ADRA1D: variants seen among roughly 807,000 people sequenced by gnomAD.
ADRA1D encodes alpha-1D adrenergic receptor.
In ADRA1D, 22 loss-of-function variants were observed where a neutral mutation model predicts 18.6. That is an observed-to-expected ratio of 1.19 (90% CI 0.85 to 1.69). The LOEUF is 1.69. Among genes scored for constraint, ADRA1D ranks in the 40% most tolerant of loss-of-function variants. The pLI is 0.00. For synonymous variants in ADRA1D, 376 were observed against 388.2 expected, an observed-to-expected ratio of 0.97 and a Z score of 0.37; for missense variants, 840 against 840.7, an observed-to-expected ratio of 1.00 and a Z score of 0.01.
chr20:4,235,803 C>G (rs1392263567), intron 1 of ADRA1D, among the ~76,000 whole-genome samples: 1 of 152,240 alleles, frequency 6.6e-6, no homozygotes, highest in African/African-American at 2.4e-5. Context: ...GAGGGAAGTC[C>G]TACCCTCCAG....
At chr20:4,231,074 C>CTT in intron 1 of ADRA1D, among the ~76,000 whole-genome samples, 1 of 90,970 alleles carries the variant, frequency 1.1e-5, no homozygotes, top group South Asian at 4.6e-4. Flanking sequence ...TTCTCTCTCT[C>CTT]TCTCTCTCTT....
At chr20:4,233,601 G>A (rs1172080443) in intron 1 of ADRA1D, among the ~76,000 whole-genome samples, 1 of 152,118 alleles carries the variant, frequency 6.6e-6, no homozygotes. Flanking sequence ...TGCTTCTAGG[G>A]AACCCGACCC....
intron 1 of ADRA1D, among the ~76,000 whole-genome samples, chr20:4,225,108 TCTC>T (rs1179320046): frequency 6.7e-6 from 1 of 150,176 alleles, no homozygotes. Context: ...TTCAAGCAAT[TCTC>T]CTGCCTCAGC....
intron 1 of ADRA1D, among the ~76,000 whole-genome samples, chr20:4,223,491 C>T (rs924399888): frequency 3.9e-5 from 6 of 152,218 alleles, no homozygotes; most frequent in Non-Finnish European, 5.9e-5. Context: ...CTCACACACA[C>T]GAGGAGGCAT....
At chr20:4,231,064 T>TTC (rs1168769579) in intron 1 of ADRA1D, among the ~76,000 whole-genome samples, 3 of 97,924 alleles carry the variant, frequency 3.1e-5, no homozygotes, top group Non-Finnish European at 5.9e-5. Context: ...CTTTCTTTCT[T>TTC]TCTCTCTCTC....
intron 1 of ADRA1D, among the ~76,000 whole-genome samples, chr20:4,234,488 T>C (rs1453417209): frequency 1.3e-5 from 2 of 152,176 alleles, no homozygotes; most frequent in African/African-American, 2.4e-5. Context: ...CTATCCATAG[T>C]AAGCCATTCC....
At position 4,221,782 on chromosome 20, in the gene ADRA1D, C is replaced by T. The variant is rs1390439159; in HGVS notation, c.1460G>A (p.Arg487His). Residue 487 changes from arginine (R) to histidine (H), a missense_variant, in exon 2 of 2, where the codon CGT becomes CAT. Coordinates refer to ENST00000379453, the MANE Select transcript of ADRA1D (RefSeq NM_000678.4). ...TPEMQAPVAS[R>H]RKPPSAFREW... Reference sequence around the variant, plus strand: ...GCGGAAGGCGCTGGGTGGCTTTCGACGGCTGGCGACCGGAGCCTGCATCTC... The same window carrying T: ...GCGGAAGGCGCTGGGTGGCTTTCGATGGCTGGCGACCGGAGCCTGCATCTC... 1.4e-6 allele frequency: 2 copies of T among 1,461,442 alleles called. No individual in the cohort carries two copies. The highest frequency in any genetic ancestry group is 1.1e-5 in the South Asian group (1 of 87,110). 90.5% of individuals were successfully genotyped at this position (1,461,442 alleles called of 1,614,324 possible).
In ADRA1D at chr20:4,239,780, T is replaced by G. The variant is rs1981172309; in HGVS notation, c.1111+8067A>C. On this transcript the variant is annotated intron_variant, in intron 1 of 1. Coordinates refer to ENST00000379453, the MANE Select transcript of ADRA1D (RefSeq NM_000678.4). This position sits in a 1 kb window ranked among gnomAD's most constrained non-coding sequence, Gnocchi z 4.9. ...ACGTCTGGAAAGAATGCTAGAGAACTGACTCTTCCTCTGATAAATAAAGAG... is the reference window on the plus strand; with the variant it reads ...ACGTCTGGAAAGAATGCTAGAGAACGGACTCTTCCTCTGATAAATAAAGAG... 6.6e-6 allele frequency among the ~76,000 whole-genome samples: 1 copy of G among 152,266 alleles called. No homozygotes were observed. Among genetic ancestry groups the G allele is most frequent in the South Asian group, 2.1e-4 (1 of 4,834 alleles).
chr20:4,236,576 G>C (rs1482172139), intron 1 of ADRA1D, among the ~76,000 whole-genome samples: 2 of 152,162 alleles, frequency 1.3e-5, no homozygotes, highest in African/African-American at 4.8e-5. Context: ...CCTAGGAGAG[G>C]ACCGAGCCCC....
In ADRA1D at chr20:4,247,970, G is replaced by T. The variant is rs1223144055; in HGVS notation, c.988C>A (p.Arg330Ser). The T allele has an allele frequency of 1.3e-6, 2 of 1,585,120 alleles. No homozygotes were observed. Among genetic ancestry groups the T allele is most frequent in the Admixed American group, 1.8e-5 (1 of 55,798 alleles). Reference protein sequence around the residue: ...GMRSAKGHTFRSSLSVRLLKF... With the variant: ...GMRSAKGHTFSSSLSVRLLKF... ...AGCAGGCGCACGGAGAGCGAGCTGC[G>T]GAAGGTGTGGCCCTTGGCGCTGCGC... Residue 330 changes from arginine (R) to serine (S), a missense_variant, in exon 1 of 2, where the codon CGC (arginine) becomes AGC (serine). Arg to Ser is a moderately radical substitution (Grantham distance 110). Transcript: ENST00000379453.
intron 1 of ADRA1D, among the ~76,000 whole-genome samples, chr20:4,237,458 TGA>T (rs1491196868): frequency 2.7e-5 from 2 of 73,620 alleles, no homozygotes; most frequent in Admixed American, 1.6e-4. Flanking sequence ...CTCCATCTCT[TGA>T]AAAAAAAAAA....
rs544414782 is a variant in ADRA1D, at chr20:4,233,272, G to A, written c.1112-11142C>T. ...GCCCAGGAGTTCCAGACTAGCCTGGGTAACATAGTAAAACTCCATCTCTAT... is the reference window on the plus strand; with the variant it reads ...GCCCAGGAGTTCCAGACTAGCCTGGATAACATAGTAAAACTCCATCTCTAT... On this transcript the variant is annotated intron_variant, in intron 1 of 1. Coordinates refer to ENST00000379453, the MANE Select transcript of ADRA1D (RefSeq NM_000678.4). 2.4e-3 allele frequency among the ~76,000 whole-genome samples: 361 copies of A among 152,192 alleles called. 1 individual carries two copies. Among genetic ancestry groups the A allele is most frequent in the African/African-American group, 8.3e-3 (344 of 41,536 alleles).
intron 1 of ADRA1D, among the ~76,000 whole-genome samples, chr20:4,242,633 G>A (rs995137327): frequency 6.6e-6 from 1 of 152,172 alleles, no homozygotes; most frequent in Non-Finnish European, 1.5e-5. Context: ...GTGGGACATT[G>A]GCTGGGCTGT....
intron 1 of ADRA1D, among the ~76,000 whole-genome samples, chr20:4,228,109 G>A (rs1416742571): frequency 1.3e-5 from 2 of 152,104 alleles, no homozygotes; most frequent in African/African-American, 4.8e-5. Context: ...CCTCCTGCCA[G>A]CTCCTTGGAT....
chr20:4,245,414 T>C (rs1981312628), intron 1 of ADRA1D, among the ~76,000 whole-genome samples: 1 of 152,098 alleles, frequency 6.6e-6, no homozygotes, highest in Non-Finnish European at 1.5e-5. Flanking sequence ...AGTGATATAC[T>C]CCAGATTTAT....
At chr20:4,231,614 A>G (rs1364833186) in intron 1 of ADRA1D, among the ~76,000 whole-genome samples, 1 of 152,200 alleles carries the variant, frequency 6.6e-6, no homozygotes, top group Non-Finnish European at 1.5e-5. Flanking sequence ...CCGAGTGTTC[A>G]GTACCTTCTA....
intron 1 of ADRA1D, among the ~76,000 whole-genome samples, chr20:4,240,851 G>A (rs1389473011): frequency 6.6e-6 from 1 of 152,126 alleles, no homozygotes; most frequent in Non-Finnish European, 1.5e-5. Context: ...GGGTGAGGAT[G>A]GAAAGAATCT....
chr20:4,245,959 A>T (rs745498125), intron 1 of ADRA1D, among the ~76,000 whole-genome samples: 10 of 152,174 alleles, frequency 6.6e-5, no homozygotes, highest in Non-Finnish European at 1.3e-4. Context: ...CCCTATATTG[A>T]GTATCCACTA....
At chr20:4,230,741 C>T (rs1980933959) in intron 1 of ADRA1D, among the ~76,000 whole-genome samples, 1 of 152,216 alleles carries the variant, frequency 6.6e-6, no homozygotes, top group Admixed American at 6.5e-5. Context: ...CTGTCTTTGT[C>T]CTGCCTTCCT....
Sources: allele counts gnomAD v4.1 joint callset (sites outside exome capture counted in the v4.1 genomes callset), GRCh38; gene constraint gnomAD v4.1.1; non-coding constraint Gnocchi (gnomAD v3.1); transcripts MANE v1.5; gene names NCBI Gene and HGNC (gene_info 2026-07-23, HGNC 2026-07-21).